Variants in DNAI4 observed in about 807,000 individuals in gnomAD.
The protein encoded by DNAI4 is dynein axonemal intermediate chain 4.
DNAI4 carries 85 observed loss-of-function variants against 105.8 expected under a neutral mutation model. The ratio of observed to expected loss-of-function variants is 0.80; its 90% CI spans 0.67 to 0.96. The LOEUF (loss-of-function observed/expected upper bound fraction) is 0.96. DNAI4 is among the 40% of genes least tolerant of loss of function. The pLI, the probability that DNAI4 is intolerant of heterozygous loss-of-function variation, is 0.00. For missense variants in DNAI4, 1,014 were observed against 1,005.6 expected (o/e 1.01, Z -0.11); for synonymous variants, 352 against 331.5 (o/e 1.06, Z -0.67).
chr1:66,834,178 T>C, intron 11 of DNAI4, 30 bp from the exon 12 acceptor site: 7 of 1,519,186 alleles, frequency 4.6e-6, no homozygotes, highest in Non-Finnish European at 6.2e-6. Flanking sequence ...ACTAAACATA[T>C]AATCATTATA....
In DNAI4 at chr1:66,905,304, T is replaced by C. The variant is rs1250214741; in HGVS notation, c.242A>G (p.Tyr81Cys). ...CATTCTGCTTTGATTTGCACCAGTA[T>C]ATCCTTTCACTGAAGTTGCTTTCAT... The part of the protein sequence containing the change: ...ATMKATSVKG[Y>C]TGANQSRMAV... Residue 81 changes from tyrosine to cysteine, a missense_variant, in exon 2 of 17, where the codon TAT (tyrosine) becomes TGT (cysteine). Coordinates refer to ENST00000371026, the MANE Select transcript of DNAI4 (RefSeq NM_024763.5). 2 of 1,550,242 alleles carry C rather than the reference T, an allele frequency of 1.3e-6. No individual in the cohort carries two copies. The highest frequency in any genetic ancestry group is 1.2e-5 in the South Asian group (1 of 80,238).
chr1:66,874,315 A>G (rs1021984238), intron 5 of DNAI4, among the ~76,000 whole-genome samples: 1 of 152,178 alleles, frequency 6.6e-6, no homozygotes, highest in Non-Finnish European at 1.5e-5. Flanking sequence ...CTTCTCTAAT[A>G]TAGTAAATTC....
At chr1:66,850,787 T>C (rs1646380231) in intron 7 of DNAI4, among the ~76,000 whole-genome samples, 1 of 151,906 alleles carries the variant, frequency 6.6e-6, no homozygotes, top group Non-Finnish European at 1.5e-5. Context: ...TCAACATCTA[T>C]GGACTATTGT....
chr1:66,901,395 C>A (rs1648809503), intron 2 of DNAI4, among the ~76,000 whole-genome samples: 1 of 152,046 alleles, frequency 6.6e-6, no homozygotes, highest in Admixed American at 6.6e-5. Flanking sequence ...TATGTCATGT[C>A]TTGATTATCT....
At chr1:66,870,327 A>G (rs1646814988) in intron 6 of DNAI4, among the ~76,000 whole-genome samples, 1 of 151,974 alleles carries the variant, frequency 6.6e-6, no homozygotes, top group African/African-American at 2.4e-5. Context: ...CTGTAATCCC[A>G]GCTACTCGGG....
chr1:66,906,341 G>C lies in DNAI4; in HGVS notation c.171-966C>G, dbSNP rs146826465. Among the ~76,000 whole-genome samples, 12 of 152,136 alleles carry C rather than the reference G, an allele frequency of 7.9e-5. No individual in the cohort carries two copies. The East Asian group carries it at 2.3e-3, about 29-fold the overall frequency. On this transcript the variant is annotated intron_variant, in intron 1 of 16. Transcript: ENST00000371026. The stretch of plus-strand genomic sequence containing the variant: ...TTACCTTATCATTTTATTCCTTCTA[G>C]TACTCTGTAATATGGATTTCTATAA...
intron 3 of DNAI4, among the ~76,000 whole-genome samples, 174 bp downstream of exon 3, chr1:66,893,055 G>GAAAAGAA (rs1226481232): frequency 1.2e-5 from 1 of 80,772 alleles, no homozygotes; most frequent in Admixed American, 1.2e-4. Flanking sequence ...AAGAAAGAAA[G>GAAAAGAA]AGAGAGAGAG....
rs1042147498 is a variant in DNAI4, at chr1:66,813,917, G to A, written c.*213C>T. 1.6e-5 allele frequency: 7 copies of A among 443,030 alleles called. No individual in the cohort carries two copies. The East Asian group carries it at 2.5e-4, about 16-fold the overall frequency. 27.4% of individuals were successfully genotyped at this position (443,030 alleles called of 1,614,324 possible). On this transcript the variant is annotated 3_prime_UTR_variant, in exon 17 of 17. Transcript: ENST00000371026. ...GTAGGAATATCTTTAGAAAAATTAA[G>A]AAAATTCCACTGAAACTCTTAAGAA...
intron 8 of DNAI4, among the ~76,000 whole-genome samples, chr1:66,845,190 CAAAAAAAAAAAAAAAAAAAGAAAAATT>C (rs67551738): frequency 9.4e-6 from 1 of 106,318 alleles, no homozygotes; most frequent in African/African-American, 4.0e-5. Flanking sequence ...AACTCCATCT[CAAAAAAAAAAAAAAAAAAAGAAAAATT>C]AAAAAAAAAA....
intron 8 of DNAI4, among the ~76,000 whole-genome samples, chr1:66,841,004 C>T (rs1213674308): frequency 1.3e-5 from 2 of 152,214 alleles, no homozygotes; most frequent in Non-Finnish European, 2.9e-5. Context: ...GTGCCAGGTA[C>T]AACTTATCCT....
At chr1:66,869,588 C>G (rs918798073) in intron 6 of DNAI4, among the ~76,000 whole-genome samples, 2 of 152,110 alleles carry the variant, frequency 1.3e-5, no homozygotes, top group African/African-American at 2.4e-5. Flanking sequence ...GAAAAAGTTA[C>G]TAAATATCAT....
chr1:66,829,353 T>C (rs1458392356), intron 13 of DNAI4, among the ~76,000 whole-genome samples: 3 of 152,008 alleles, frequency 2.0e-5, no homozygotes, highest in African/African-American at 7.2e-5. Flanking sequence ...ACAAATAGGT[T>C]AAAAGAAAAA....
chr1:66,919,155 A>G, intron 1 of DNAI4: 1 of 433,030 alleles, frequency 2.3e-6, no homozygotes, highest in Non-Finnish European at 4.7e-6. Flanking sequence ...TGACCACCTT[A>G]GGCACATGTT....
intron 4 of DNAI4, among the ~76,000 whole-genome samples, chr1:66,888,293 T>C (rs966174890): frequency 6.6e-6 from 1 of 152,102 alleles, no homozygotes; most frequent in Non-Finnish European, 1.5e-5. Flanking sequence ...GACTTTAATA[T>C]GCATTCTAGA....
chr1:66,894,059 A>G (rs2100783313), intron 2 of DNAI4, among the ~76,000 whole-genome samples: 2 of 152,344 alleles, frequency 1.3e-5, no homozygotes, highest in South Asian at 4.1e-4. Flanking sequence ...ATAATAAATT[A>G]TGCTTCTGGT....
chr1:66,886,033 T>C (rs528409465), intron 4 of DNAI4, among the ~76,000 whole-genome samples: 58 of 152,214 alleles, frequency 3.8e-4, no homozygotes, highest in Non-Finnish European at 6.8e-4. Flanking sequence ...GGCTGTTCTA[T>C]TTTCATTATT....
chr1:66,907,189 T>C (rs1460763746), intron 1 of DNAI4, among the ~76,000 whole-genome samples: 1 of 152,196 alleles, frequency 6.6e-6, no homozygotes, highest in East Asian at 1.9e-4. Flanking sequence ...AACTACAATG[T>C]AGCTTTACTC....
chr1:66,884,071 A>G (rs1647138942), intron 4 of DNAI4, among the ~76,000 whole-genome samples: 1 of 152,212 alleles, frequency 6.6e-6, no homozygotes, highest in Non-Finnish European at 1.5e-5. Flanking sequence ...AACTGAGAAC[A>G]TGTAGTATTT....
Position 66,905,308 on chromosome 1 carries a change from CT to C in DNAI4, c.237del (p.Gly80AspfsTer22). On this transcript the variant is annotated frameshift_variant, in exon 2 of 17. Transcript: ENST00000371026. LOFTEE classifies it high-confidence loss of function. ...CTGCTTTGATTTGCACCAGTATATCCTTTCACTGAAGTTGCTTTCATTGTAG... is the reference window on the plus strand; with the variant it reads ...CTGCTTTGATTTGCACCAGTATATCCTTCACTGAAGTTGCTTTCATTGTAG... ...FFATMKATSVKGYTGANQSRM... is the reference protein window; with the variant it reads ...FFATMKATSVXGYTGANQSRM... The C allele has an allele frequency of 1.3e-6, 2 of 1,542,300 alleles. No individual in the cohort carries two copies. The highest frequency in any genetic ancestry group is 1.3e-5 in the South Asian group (1 of 78,948).
Sources: allele counts gnomAD v4.1 joint callset (sites outside exome capture counted in the v4.1 genomes callset), GRCh38; gene constraint gnomAD v4.1.1; transcripts MANE v1.5; gene names NCBI Gene and HGNC (gene_info 2026-07-23, HGNC 2026-07-21).